The following SAMD5 variants were observed in gnomAD, a reference collection of about 807,000 sequenced individuals.
SAMD5 encodes sterile alpha motif domain-containing protein 5.
Under a neutral mutation model 11.3 loss-of-function variants are expected in SAMD5, and 13 were observed. The observed-to-expected ratio is 1.15, with a 90% CI of 0.75 to 1.83. The LOEUF (loss-of-function observed/expected upper bound fraction) is 1.83, where lower values mean the gene tolerates loss of function less well. SAMD5 is among the 40% of genes most tolerant of loss of function. SAMD5 has a pLI of 0.00. For synonymous variants in SAMD5, 129 were observed against 111.3 expected, an observed-to-expected ratio of 1.16 and a Z score of -1.00; for missense variants, 255 against 239.1, an observed-to-expected ratio of 1.07 and a Z score of -0.44.
intron 1 of SAMD5, among the ~76,000 whole-genome samples, chr6:147,646,004 G>C (rs1790390834): frequency 7.5e-6 from 1 of 132,850 alleles, no homozygotes; most frequent in Non-Finnish European, 1.6e-5. Flanking sequence ...ATATCTGTCT[G>C]TCTGTCTATG....
At chr6:147,712,261 C>T (rs1270582557) in intron 1 of SAMD5, among the ~76,000 whole-genome samples, 1 of 152,158 alleles carries the variant, frequency 6.6e-6, no homozygotes, top group Non-Finnish European at 1.5e-5. Flanking sequence ...AAGTTAACCT[C>T]CCACTTCTGT....
chr6:147,577,116 A>G (rs956940112), intron 1 of SAMD5, among the ~76,000 whole-genome samples: 1 of 152,232 alleles, frequency 6.6e-6, no homozygotes, highest in African/African-American at 2.4e-5. Context: ...CTTCTCCTTC[A>G]TGCCTAAATT....
intron 1 of SAMD5, among the ~76,000 whole-genome samples, chr6:147,604,401 C>T (rs1347740300): frequency 6.6e-6 from 1 of 152,096 alleles, no homozygotes; most frequent in Admixed American, 6.6e-5. Flanking sequence ...AAATTATGCC[C>T]CTTTCCCCCT....
chr6:147,581,624 C>A (rs1789299200), intron 1 of SAMD5, among the ~76,000 whole-genome samples: 1 of 152,130 alleles, frequency 6.6e-6, no homozygotes, highest in Admixed American at 6.6e-5. Flanking sequence ...AACAATGCCA[C>A]CTGCTGTGGG....
chr6:147,550,740 T>C (rs1196245404), intron 1 of SAMD5, among the ~76,000 whole-genome samples: 1 of 152,060 alleles, frequency 6.6e-6, no homozygotes, highest in African/African-American at 2.4e-5. Context: ...TAACAGACAT[T>C]GGAGACTCAG....
intron 1 of SAMD5, among the ~76,000 whole-genome samples, chr6:147,544,602 T>C (rs909136780): frequency 6.6e-6 from 1 of 152,192 alleles, no homozygotes; most frequent in Non-Finnish European, 1.5e-5. Context: ...AGTAAGGAGA[T>C]TCATTTATGC....
chr6:147,645,492 C>T lies in SAMD5; in HGVS notation c.163-91825C>T, dbSNP rs540853333. 2.4e-4 allele frequency among the ~76,000 whole-genome samples: 37 copies of T among 152,176 alleles called. No homozygotes were observed. In the South Asian group the frequency reaches 2.7e-3, roughly 11 times the overall value. On this transcript the variant is annotated intron_variant, in intron 1 of 1. Transcript: ENST00000566741. Reference sequence around the variant, plus strand: ...GTTAGAATAATAGAATTTTTCTATACGTTATGTATTTATACACTTACTGCA... The same window carrying T: ...GTTAGAATAATAGAATTTTTCTATATGTTATGTATTTATACACTTACTGCA...
At chr6:147,670,490 T>A (rs1416485819) in intron 1 of SAMD5, among the ~76,000 whole-genome samples, 1 of 152,242 alleles carries the variant, frequency 6.6e-6, no homozygotes, top group Non-Finnish European at 1.5e-5. Flanking sequence ...GGCTGCTTCA[T>A]GTACATTGAA....
chr6:147,598,846 G>A (rs1269172409), intron 1 of SAMD5, among the ~76,000 whole-genome samples: 1 of 152,186 alleles, frequency 6.6e-6, no homozygotes, highest in African/African-American at 2.4e-5. Context: ...GAAGAGGACA[G>A]GAGAGAAGAA....
intron 1 of SAMD5, among the ~76,000 whole-genome samples, chr6:147,646,169 C>T (rs1790398339): frequency 6.6e-6 from 1 of 151,878 alleles, no homozygotes; most frequent in Non-Finnish European, 1.5e-5. Context: ...GCTTTGACTC[C>T]CTCAAAACTT....
chr6:147,606,495 C>T (rs906167052), intron 1 of SAMD5, among the ~76,000 whole-genome samples: 30 of 151,594 alleles, frequency 2.0e-4, no homozygotes, highest in African/African-American at 7.3e-4. Context: ...CTGCATGGCA[C>T]ATGGAACATC....
At chr6:147,748,399 G>T in the SAMD5 span, among the ~76,000 whole-genome samples, 1 of 152,170 alleles carries the variant, frequency 6.6e-6, no homozygotes, top group East Asian at 1.9e-4. Flanking sequence ...CTGTGCCAAG[G>T]AAATAGTAAT....
At chr6:147,694,694 A>G (rs931373253) in intron 1 of SAMD5, among the ~76,000 whole-genome samples, 2 of 152,098 alleles carry the variant, frequency 1.3e-5, no homozygotes, top group African/African-American at 4.8e-5. Context: ...GCTCAAACCT[A>G]TAGTCCCAGC....
chr6:147,807,886 A>G, the SAMD5 span, among the ~76,000 whole-genome samples: 5 of 152,374 alleles, frequency 3.3e-5, no homozygotes, highest in African/African-American at 1.2e-4. Context: ...GCACTTAGCT[A>G]AACACCAGAC....
the SAMD5 span, among the ~76,000 whole-genome samples, chr6:147,755,585 C>G: frequency 6.6e-6 from 1 of 152,140 alleles, no homozygotes; most frequent in East Asian, 1.9e-4. Flanking sequence ...ATATCATCCT[C>G]ACTTCCTCCA....
chr6:147,612,430 C>T (rs567216159), intron 1 of SAMD5, among the ~76,000 whole-genome samples: 2 of 152,126 alleles, frequency 1.3e-5, no homozygotes, highest in South Asian at 4.2e-4. Flanking sequence ...TTTATATTGC[C>T]TCTGATTTAA....
rs1262449570 is a variant in SAMD5 at position 147,509,192 on chromosome 6, C to A, written c.264C>A (p.Asp88Glu). The change falls in exon 1 of 2, where the codon GAC becomes GAA. Residue 88 changes from aspartate (D) to glutamate (E), a missense_variant. Coordinates refer to ENST00000367474, the MANE Select transcript of SAMD5 (RefSeq NM_001030060.3). ...PQPAPPGPPA[D>E]AVPTGRRGEP... ...CGGCGCCCCCCGGGCCGCCCGCCGACGCCGTCCCCACCGGCCGCCGGGGGG... is the reference window on the plus strand; with the variant it reads ...CGGCGCCCCCCGGGCCGCCCGCCGAAGCCGTCCCCACCGGCCGCCGGGGGG... 1 of 1,294,622 alleles carries A rather than the reference C, an allele frequency of 7.7e-7. No homozygotes were observed. 80.2% of individuals were successfully genotyped at this position (1,294,622 alleles called of 1,614,324 possible).
chr6:147,614,234 G>C (rs1789831354), intron 1 of SAMD5, among the ~76,000 whole-genome samples: 1 of 151,898 alleles, frequency 6.6e-6, no homozygotes, highest in Non-Finnish European at 1.5e-5. Context: ...TTGGGAGGCA[G>C]AGGCGGGCAG....
intron 1 of SAMD5, among the ~76,000 whole-genome samples, chr6:147,561,857 C>T (rs1404164124): frequency 6.6e-6 from 1 of 152,172 alleles, no homozygotes; most frequent in East Asian, 1.9e-4. Flanking sequence ...GCATTCGGCA[C>T]AGGGAAATCA....
Sources: gnomAD v4.1 joint callset for allele counts (sites outside exome capture counted in the v4.1 genomes callset) on GRCh38, gnomAD v4.1.1 for gene constraint, MANE v1.5 for transcripts, NCBI Gene and HGNC (gene_info 2026-07-23, HGNC 2026-07-21) for gene names.